Variants in PIN4 observed in about 807,000 individuals in gnomAD.
PIN4 encodes peptidyl-prolyl cis-trans isomerase NIMA-interacting 4.
Under a neutral mutation model 8.3 loss-of-function variants are expected in PIN4, and 3 were observed. That is an observed-to-expected ratio of 0.36 (90% CI 0.16 to 0.93). PIN4 has a LOEUF of 0.93. Among genes scored for constraint, PIN4 ranks in the 40% least tolerant of loss-of-function variants. PIN4 has a pLI of 0.44. For synonymous variants in PIN4, 18 were observed against 32.5 expected (o/e 0.55, Z 1.52); for missense variants, 75 against 100.6 (o/e 0.75, Z 1.09).
chrX:72,218,994 G>C (rs76279490), intron 3 of PIN4, among the ~76,000 whole-genome samples: 1 of 112,766 alleles, frequency 8.9e-6, no homozygotes, highest in Non-Finnish European at 1.9e-5. Flanking sequence ...AGTGGCCCAC[G>C]CCTGTGATCC....
At chrX:72,247,993 C>T (rs2043072928) in intron 3 of PIN4, among the ~76,000 whole-genome samples, 1 of 111,373 alleles carries the variant, frequency 9.0e-6, no homozygotes, top group Admixed American at 9.6e-5. Flanking sequence ...ATCTTAGAAC[C>T]ATGTCTTCCA....
chrX:72,223,022 T>C (rs1418756873), intron 3 of PIN4, among the ~76,000 whole-genome samples: 1 of 107,726 alleles, frequency 9.3e-6, no homozygotes, highest in Admixed American at 1.0e-4. Context: ...GCCCCAGATA[T>C]CCAGAAAATA....
intron 3 of PIN4, among the ~76,000 whole-genome samples, chrX:72,213,809 C>T (rs1028711997): frequency 8.9e-6 from 1 of 111,828 alleles, no homozygotes; most frequent in Non-Finnish European, 1.9e-5. Flanking sequence ...AGGTTCCATT[C>T]CTTGGAATCC....
At chrX:72,192,992 C>T (rs2042743882) in intron 2 of PIN4, among the ~76,000 whole-genome samples, 1 of 111,217 alleles carries the variant, frequency 9.0e-6, no homozygotes, top group Non-Finnish European at 1.9e-5. Context: ...TTCTCATTTT[C>T]ATCTCCTTCC....
chrX:72,225,155 C>T (rs1236305430), intron 3 of PIN4, among the ~76,000 whole-genome samples: 3 of 111,767 alleles, frequency 2.7e-5, no homozygotes, highest in Non-Finnish European at 5.6e-5. Flanking sequence ...TATTGGACCT[C>T]AAAGATGCTT....
intron 3 of PIN4, chrX:72,255,722 C>G (rs1290077485): frequency 9.0e-6 from 1 of 111,564 alleles, no homozygotes; most frequent in Non-Finnish European, 1.9e-5. Flanking sequence ...AGCCTGTACT[C>G]AGGCGGGCGA....
chrX:72,192,892 C>T (rs1448267773), intron 2 of PIN4, among the ~76,000 whole-genome samples: 2 of 111,892 alleles, frequency 1.8e-5, no homozygotes, highest in African/African-American at 6.5e-5. Context: ...GCCACTGCGC[C>T]TCGCCCCTTT....
intron 2 of PIN4, among the ~76,000 whole-genome samples, chrX:72,193,973 TTAAA>T (rs764559953): frequency 3.6e-5 from 4 of 112,345 alleles, no homozygotes; most frequent in African/African-American, 6.5e-5. Flanking sequence ...CCAAGTGTTA[TTAAA>T]TAGAGTCCAA....
rs766208478 is a variant in PIN4, at chrX:72,203,385, C to CTAAT, written c.312+6483_312+6486dup. On this transcript the variant is annotated intron_variant, in intron 3 of 3. Coordinates refer to the PIN4 transcript ENST00000423432. The stretch of plus-strand genomic sequence containing the variant: ...TGGGATGGGACGGTCATGGGAACCC[C>CTAAT]TAATTTGTAGCCAAGTCAGACAGAA... 1.4e-4 allele frequency among the ~76,000 whole-genome samples: 16 copies of CTAAT among 111,788 alleles called. No individual in the cohort carries two copies. In the East Asian group the frequency reaches 3.9e-3, roughly 27 times the overall value.
At chrX:72,258,501 C>A (rs191143013) in intron 3 of PIN4, among the ~76,000 whole-genome samples, 1 of 111,504 alleles carries the variant, frequency 9.0e-6, no homozygotes, top group Admixed American at 9.5e-5. Flanking sequence ...TGGCCTGAAT[C>A]GCCCCAGCCC....
At chrX:72,239,163 A>C (rs1037315325) in intron 3 of PIN4, 2 of 381,284 alleles carry the variant, frequency 5.2e-6, no homozygotes, top group East Asian at 8.5e-5. Flanking sequence ...GCCGGGAAGC[A>C]GAAGGTGATC....
intron 3 of PIN4, among the ~76,000 whole-genome samples, chrX:72,210,304 G>A (rs1301101898): frequency 9.1e-6 from 1 of 110,473 alleles, no homozygotes; most frequent in African/African-American, 3.3e-5. Flanking sequence ...TAGTTGTCAG[G>A]GAAATGCAAA....
intron 3 of PIN4, among the ~76,000 whole-genome samples, chrX:72,231,493 C>T (rs756609235): frequency 7.2e-5 from 8 of 111,043 alleles, no homozygotes; most frequent in African/African-American, 9.8e-5. Flanking sequence ...TGATCTACTG[C>T]ACATCATGGT....
rs184474327 is a variant in PIN4, at chrX:72,197,940, C to T, written c.*414C>T. 1.2e-4 allele frequency: 90 copies of T among 754,435 alleles called. 1 individual carries two copies. In the Admixed American group the frequency reaches 1.9e-3, roughly 16 times the overall value. 62.2% of individuals were successfully genotyped at this position (754,435 alleles called of 1,213,427 possible). ...GTGTGTGAGAATCATAAAATAAGTTCCTAGACAACATTTGTTTTACATGTT... is the reference window on the plus strand; with the variant it reads ...GTGTGTGAGAATCATAAAATAAGTTTCTAGACAACATTTGTTTTACATGTT... On this transcript the variant is annotated 3_prime_UTR_variant, in exon 4 of 4. Transcript: ENST00000373669.
intron 3 of PIN4, among the ~76,000 whole-genome samples, chrX:72,242,189 G>A (rs570324656): frequency 2.7e-5 from 3 of 112,226 alleles, no homozygotes; most frequent in South Asian, 3.7e-4. Context: ...CAGGAACCCC[G>A]GCTACCTCCT....
chrX:72,255,685 T>C (rs1192362211), intron 3 of PIN4: 1 of 110,832 alleles, frequency 9.0e-6, no homozygotes, highest in Non-Finnish European at 1.9e-5. Flanking sequence ...TCCAATTTAC[T>C]CGCAATAATT....
intron 2 of PIN4, among the ~76,000 whole-genome samples, chrX:72,191,160 C>T (rs1409001068): frequency 2.8e-5 from 3 of 106,341 alleles, no homozygotes; most frequent in Middle Eastern, 4.3e-3. Flanking sequence ...CAACCCTAGA[C>T]GTACATCAGA....
chrX:72,232,960 G>A (rs2042994185), intron 3 of PIN4, among the ~76,000 whole-genome samples: 1 of 110,791 alleles, frequency 9.0e-6, no homozygotes, highest in Non-Finnish European at 1.9e-5. Context: ...ACTGATTTGA[G>A]CAATAATTAT....
chrX:72,232,193 T>TA (rs2042987247), intron 3 of PIN4, among the ~76,000 whole-genome samples: 1 of 98,533 alleles, frequency 1.0e-5, no homozygotes, highest in Non-Finnish European at 2.0e-5. Context: ...AAAGGTTTAC[T>TA]AAAAAAATGT....
Sources: gnomAD v4.1 joint callset for allele counts (sites outside exome capture counted in the v4.1 genomes callset) on GRCh38, gnomAD v4.1.1 for gene constraint, MANE v1.5 for transcripts, NCBI Gene and HGNC (gene_info 2026-07-23, HGNC 2026-07-21) for gene names.